MEGF6: variants seen among roughly 807,000 people sequenced by gnomAD.
The protein encoded by MEGF6 is multiple EGF like domains 6, also known as multiple epidermal growth factor-like domains protein 6.
MEGF6 carries 184 observed loss-of-function variants against 207.1 expected under a neutral mutation model. The observed-to-expected ratio is 0.89, with a 90% CI of 0.79 to 1.00. The LOEUF (loss-of-function observed/expected upper bound fraction) is 1.00. Among genes scored for constraint, MEGF6 ranks in the 50% least tolerant of loss-of-function variants. The pLI is 0.00. For synonymous variants in MEGF6, 1,038 were observed against 910.0 expected, an observed-to-expected ratio of 1.14 and a Z score of -2.53; for missense variants, 2,282 against 2,202.9, an observed-to-expected ratio of 1.04 and a Z score of -0.72.
At chr1:3,518,189 G>A (rs142029641) in intron 5 of MEGF6, among the ~76,000 whole-genome samples, 5 of 152,300 alleles carry the variant, frequency 3.3e-5, no homozygotes, top group East Asian at 1.9e-4. Flanking sequence ...CTCTGAGAGG[G>A]AAGAGGGTGG....
intron 4 of MEGF6, among the ~76,000 whole-genome samples, chr1:3,525,628 G>A (rs983380149): frequency 6.6e-6 from 1 of 152,168 alleles, no homozygotes; most frequent in East Asian, 1.9e-4. Flanking sequence ...CCGTGGCACA[G>A]GCCACAGGGA....
At chr1:3,496,557 G>C in intron 29 of MEGF6, 98 bp downstream of exon 29, 1 of 1,512,702 alleles carries the variant, frequency 6.6e-7, no homozygotes, top group South Asian at 1.2e-5. Flanking sequence ...TGAAGGGCAG[G>C]GAGGTGGGCA....
intron 2 of MEGF6, among the ~76,000 whole-genome samples, chr1:3,601,783 C>A (rs1441249885): frequency 6.6e-6 from 1 of 152,264 alleles, no homozygotes; most frequent in Non-Finnish European, 1.5e-5. Context: ...CCCCCTGGAG[C>A]AGGTACAGCA....
At chr1:3,566,936 C>A (rs10909971) in intron 4 of MEGF6, among the ~76,000 whole-genome samples, 1 of 152,334 alleles carries the variant, frequency 6.6e-6, no homozygotes, top group South Asian at 2.1e-4. Flanking sequence ...ACTCTCACCA[C>A]GGCCCCTACG....
intron 4 of MEGF6, among the ~76,000 whole-genome samples, chr1:3,578,725 G>A (rs1643711439): frequency 8.4e-6 from 1 of 118,890 alleles, no homozygotes; most frequent in South Asian, 2.7e-4. Flanking sequence ...TCCAACAATG[G>A]CCAATGCCCC....
At chr1:3,509,512 G>A (rs1428480086) in intron 11 of MEGF6, among the ~76,000 whole-genome samples, 1 of 152,218 alleles carries the variant, frequency 6.6e-6, no homozygotes, top group African/African-American at 2.4e-5. Flanking sequence ...AGGGACTCTG[G>A]GGCCTAGAGG....
In MEGF6 at chr1:3,501,647, C is replaced by A. The variant is rs920814643; in HGVS notation, c.2314+149G>T. The A allele has an allele frequency of 2.5e-6, 3 of 1,210,406 alleles. No homozygotes were observed. The South Asian group carries it at 4.9e-5, about 20-fold the overall frequency. 75.0% of individuals were successfully genotyped at this position (1,210,406 alleles called of 1,614,324 possible). ...GTGGGGCAGCCACAGACCCCCCCTC[C>A]CTACCCCAGGGGAGTGCACTGTGAG... is the stretch of plus-strand genomic sequence containing the variant. On this transcript the variant is annotated intron_variant, in intron 18 of 36. Transcript: ENST00000356575.
At chr1:3,545,795 G>A (rs556325980) in intron 4 of MEGF6, among the ~76,000 whole-genome samples, 5 of 152,280 alleles carry the variant, frequency 3.3e-5, no homozygotes, top group South Asian at 4.1e-4. Context: ...CAGGCTCCGC[G>A]GGTCACAGAA....
intron 4 of MEGF6, among the ~76,000 whole-genome samples, chr1:3,557,980 C>G (rs1160689292): frequency 6.6e-6 from 1 of 152,226 alleles, no homozygotes; most frequent in Non-Finnish European, 1.5e-5. Flanking sequence ...AGGAGCCACA[C>G]AGAGCCCTCT....
intron 18 of MEGF6, 128 bp downstream of exon 18, chr1:3,501,668 G>T: frequency 7.5e-7 from 1 of 1,325,302 alleles, no homozygotes; most frequent in Non-Finnish European, 1.0e-6. Flanking sequence ...GGAGTGCACT[G>T]TGAGCTCTCA....
chr1:3,595,613 G>T (rs1349022109), intron 2 of MEGF6, among the ~76,000 whole-genome samples, 166 bp from the exon 3 acceptor site: 1 of 152,184 alleles, frequency 6.6e-6, no homozygotes, highest in Non-Finnish European at 1.5e-5. Context: ...GCCCAGCCAG[G>T]TTCTTCTGAA....
chr1:3,513,129 T>C (rs571602294), intron 7 of MEGF6, among the ~76,000 whole-genome samples: 1 of 152,340 alleles, frequency 6.6e-6, no homozygotes, highest in African/African-American at 2.4e-5. Flanking sequence ...GCCCATCCCA[T>C]ACGTCTAGGT....
At chr1:3,526,127 C>T (rs1405679828) in intron 4 of MEGF6, among the ~76,000 whole-genome samples, 3 of 152,218 alleles carry the variant, frequency 2.0e-5, no homozygotes, top group African/African-American at 7.2e-5. Context: ...TGACCCCCAC[C>T]AGAGAGACTT....
At chr1:3,503,087 G>A (rs2100969343) in intron 17 of MEGF6, among the ~76,000 whole-genome samples, 1 of 152,306 alleles carries the variant, frequency 6.6e-6, no homozygotes, top group South Asian at 2.1e-4. Flanking sequence ...TGCCCTGCCT[G>A]GGGAGGAGCA....
At chr1:3,552,687 G>T (rs1261207282) in intron 4 of MEGF6, among the ~76,000 whole-genome samples, 2 of 152,168 alleles carry the variant, frequency 1.3e-5, no homozygotes, top group African/African-American at 2.4e-5. Context: ...AGCAAAGCAA[G>T]ATTCTGTCTC....
chr1:3,511,075 C>A (rs569611026), intron 9 of MEGF6, among the ~76,000 whole-genome samples, 173 bp from the exon 10 acceptor site: 1 of 152,372 alleles, frequency 6.6e-6, no homozygotes, highest in South Asian at 2.1e-4. Flanking sequence ...GACAATCGCA[C>A]CCACCACACA....
intron 1 of MEGF6, among the ~76,000 whole-genome samples, chr1:3,610,394 C>T (rs1644308396): frequency 6.6e-6 from 1 of 152,278 alleles, no homozygotes; most frequent in South Asian, 2.1e-4. Context: ...AGACAGGAGG[C>T]CTTCACCTGG....
rs531557118 is a variant in MEGF6, at chr1:3,607,304, G to A, written c.131+3834C>T. On this transcript the variant is annotated intron_variant, in intron 1 of 36. Transcript: ENST00000356575. ...CTCCCGGCCCCTGCCCGCCTGGTGC[G>A]CCCTATGTCTCCCCAATAACTCCTC... is the stretch of plus-strand genomic sequence containing the variant. Among the ~76,000 whole-genome samples the A allele has an allele frequency of 7.9e-5, 12 of 151,670 alleles. 1 individual carries two copies. The South Asian group carries it at 2.1e-3, about 26-fold the overall frequency.
intron 4 of MEGF6, among the ~76,000 whole-genome samples, chr1:3,567,985 C>CAT (rs1557782262): frequency 6.4e-4 from 98 of 152,322 alleles, no homozygotes; most frequent in African/African-American, 2.3e-3. Flanking sequence ...CAGGCACTGC[C>CAT]GTGCTGTGGG....
Sources: allele counts gnomAD v4.1 joint callset (sites outside exome capture counted in the v4.1 genomes callset), GRCh38; gene constraint gnomAD v4.1.1; transcripts MANE v1.5; gene names NCBI Gene and HGNC (gene_info 2026-07-23, HGNC 2026-07-21).